The following MYSM1 variants were observed in gnomAD, a reference collection of about 807,000 sequenced individuals.
MYSM1 encodes Myb like, SWIRM and MPN domains 1, also known as deubiquitinase MYSM1.
In MYSM1, 51 loss-of-function variants were observed where a neutral mutation model predicts 116.0. The observed-to-expected ratio is 0.44, with a 90% CI of 0.35 to 0.56. The LOEUF is 0.56. Among genes scored for constraint, MYSM1 ranks in the 20% least tolerant of loss-of-function variants. MYSM1 has a pLI of 0.00. For missense variants in MYSM1, 900 were observed against 974.9 expected, an observed-to-expected ratio of 0.92 and a Z score of 1.02; for synonymous variants, 313 against 315.2, an observed-to-expected ratio of 0.99 and a Z score of 0.07.
Position 58,675,571 on chromosome 1 carries a change from A to G in MYSM1, c.1400T>C (p.Val467Ala). 6.2e-7 allele frequency: 1 copy of G among 1,612,914 alleles called. No individual in the cohort carries two copies. Among genetic ancestry groups the G allele is most frequent in the Non-Finnish European group, 8.5e-7 (1 of 1,179,288 alleles). ...GTCAACTGTTTGTGGCCTATTATAC[A>G]CAGCCTGTTCTATTGGAATTCAGGA... is the stretch of plus-strand genomic sequence containing the variant. ...GAINFGCEQA[V>A]YNRPQTVDKV... Residue 467 changes from valine (V) to alanine (A), a missense_variant, in exon 10 of 20, where the codon GTG (valine) becomes GCG (alanine). Val to Ala is a moderately conservative substitution (Grantham distance 64). Around this residue, in one of 3 missense-constraint regions of MYSM1, gnomAD observed 622 missense variants for 623.7 expected, o/e 1.00. Transcript: ENST00000472487.
chr1:58,671,215 C>T (rs895101298), intron 12 of MYSM1, among the ~76,000 whole-genome samples: 13 of 152,086 alleles, frequency 8.5e-5, no homozygotes, highest in African/African-American at 2.7e-4. Context: ...TTAACTAATG[C>T]ACAGGGTTGT....
At chr1:58,691,386 AGGTACT>A (rs1644904515) in intron 3 of MYSM1, among the ~76,000 whole-genome samples, 1 of 152,230 alleles carries the variant, frequency 6.6e-6, no homozygotes, top group East Asian at 1.9e-4. Flanking sequence ...TGCATATGTC[AGGTACT>A]ATGCTAGGTA....
Position 58,662,032 on chromosome 1 carries a change from G to A in MYSM1, c.2165-521C>T, listed in dbSNP as rs550297410. On this transcript the variant is annotated intron_variant, in intron 17 of 19. Transcript: ENST00000472487. ...TACATTAAAAATCATATTTAGGCTA[G>A]CAAAGTGGCAGGACACAGATGTTAA... 3.6e-3 allele frequency among the ~76,000 whole-genome samples: 554 copies of A among 151,804 alleles called. 4 individuals carry two copies. Among genetic ancestry groups the A allele is most frequent in the African/African-American group, 0.013 (534 of 41,416 alleles).
intron 3 of MYSM1, among the ~76,000 whole-genome samples, chr1:58,692,081 A>T (rs2746080): frequency 2.6e-5 from 4 of 152,182 alleles, no homozygotes; most frequent in Non-Finnish European, 5.9e-5. Flanking sequence ...AATAGCAATA[A>T]TCTAGGCTAT....
intron 16 of MYSM1, among the ~76,000 whole-genome samples, 153 bp downstream of exon 16, chr1:58,666,885 T>A (rs1986206): frequency 0.47 from 53,666 of 113,920 alleles, 9,879 homozygotes; most frequent in East Asian, 0.5. Context: ...AAAAAAAAAA[T>A]AATAATAAAA....
rs1359652642 is a variant in MYSM1, at chr1:58,685,898, C to G, written c.400-647G>C. Among the ~76,000 whole-genome samples the G allele has an allele frequency of 3.3e-5, 5 of 152,324 alleles. No homozygotes were observed. In the East Asian group the frequency reaches 9.6e-4, roughly 29 times the overall value. The stretch of plus-strand genomic sequence containing the variant: ...TGTATATGCTGCACACATCAACAAA[C>G]TCTGGTTTTCTCCTGTTAATGTCGT... On this transcript the variant is annotated intron_variant, in intron 6 of 19. Transcript: ENST00000472487.
chr1:58,682,172 CTTGAAAGTGT>C lies in MYSM1; in HGVS notation c.862_871del (p.Thr288AlafsTer21). ...CTCAGTCCACAGTGTAATTTCTGAG[CTTGAAAGTGT>C]TTCATCTTGCTTTTCATTTTGAAGA... On this transcript the variant is annotated frameshift_variant, in exon 8 of 20. Transcript: ENST00000472487. LOFTEE classifies it high-confidence loss of function. 6.2e-7 allele frequency: 1 copy of C among 1,612,796 alleles called. No homozygotes were observed. The highest frequency in any genetic ancestry group is 8.5e-7 in the Non-Finnish European group (1 of 1,178,940).
chr1:58,691,267 G>A (rs1023994336), intron 3 of MYSM1, among the ~76,000 whole-genome samples: 4 of 150,752 alleles, frequency 2.7e-5, no homozygotes, highest in East Asian at 3.9e-4. Context: ...GCGACAGAGC[G>A]AGACTCCGTC....
At position 58,656,356 on chromosome 1, in the gene MYSM1, A is replaced by C. The variant is rs1644318852; in HGVS notation, c.*3641T>G. ...AGGCCTAGCTTTCAACAAATAATAG[A>C]AAGAAGGGTCTTGTATTTATATGCT... On this transcript the variant is annotated 3_prime_UTR_variant, in exon 20 of 20. Transcript: ENST00000472487. The C allele has an allele frequency of 6.6e-6, 1 of 152,156 alleles. No individual in the cohort carries two copies. Among genetic ancestry groups the C allele is most frequent in the South Asian group, 2.1e-4 (1 of 4,822 alleles). 9.4% of individuals were successfully genotyped at this position (152,156 alleles called of 1,614,324 possible). A position where few individuals can be genotyped will look rare whatever the true frequency, so the allele number is the denominator to read the frequency against.
rs1012334482 is a variant in MYSM1 at position 58,656,509 on chromosome 1, C to T, written c.*3488G>A. 1 of 152,106 alleles carries T rather than the reference C, an allele frequency of 6.6e-6. No individual in the cohort carries two copies. Among genetic ancestry groups the T allele is most frequent in the East Asian group, 1.9e-4 (1 of 5,200 alleles). The allele number at this position is 152,106 out of a possible 1,614,324, so 9.4% of individuals were successfully genotyped here. ...TTCAAAACTACAGATTAGGGACTGA[C>T]CAAAACAAAAATATCTGAAGACTAA... On this transcript the variant is annotated 3_prime_UTR_variant, in exon 20 of 20. Transcript: ENST00000472487.
At position 58,676,909 on chromosome 1, in the gene MYSM1, T is replaced by C; in HGVS notation, c.1390+17A>G. 6.2e-7 allele frequency: 1 copy of C among 1,607,502 alleles called. No homozygotes were observed. The highest frequency in any genetic ancestry group is 8.5e-7 in the Non-Finnish European group (1 of 1,177,442). On this transcript the variant is annotated intron_variant, in intron 9 of 19. Transcript: ENST00000472487. Reference sequence around the variant, plus strand: ...AAAAATGTCGAGTAAAAGATGTTGTTGGGTTTTTATTTTTACCACATCCAA... The same window carrying C: ...AAAAATGTCGAGTAAAAGATGTTGTCGGGTTTTTATTTTTACCACATCCAA...
Position 58,668,696 on chromosome 1 carries a change from A to G in MYSM1, c.1717-14T>C. On this transcript the variant is annotated splice_polypyrimidine_tract_variant and intron_variant, in intron 13 of 19. Transcript: ENST00000472487. ...CTGAAATGGCTCCTGAAATATAAAA[A>G]ACAAAACAAAACGGGGGAGCATAAA... 6.3e-7 allele frequency: 1 copy of G among 1,592,984 alleles called. No homozygotes were observed. Among genetic ancestry groups the G allele is most frequent in the South Asian group, 1.1e-5 (1 of 87,662 alleles).
Position 58,661,211 on chromosome 1 carries a change from T to C in MYSM1, c.2287A>G (p.Lys763Glu). 6.2e-7 allele frequency: 1 copy of C among 1,613,296 alleles called. No individual in the cohort carries two copies. Among genetic ancestry groups the C allele is most frequent in the Non-Finnish European group, 8.5e-7 (1 of 1,179,372 alleles). The change falls in exon 19 of 20, where the codon AAA becomes GAA. Residue 763 changes from lysine to glutamate, a missense_variant. Around this residue, in one of 3 missense-constraint regions of MYSM1, gnomAD observed 186 missense variants for 196.2 expected, o/e 0.95. Coordinates refer to ENST00000472487, the MANE Select transcript of MYSM1 (RefSeq NM_001085487.3). ...RLSHSSVPMD[K>E]IFRRDSDLTC... ...AGGTCAGAATCCCGGCGAAAGATTTTATCCATGGGGACGCTGCTGTAGGAA... is the reference window on the plus strand; with the variant it reads ...AGGTCAGAATCCCGGCGAAAGATTTCATCCATGGGGACGCTGCTGTAGGAA...
intron 2 of MYSM1, 122 bp from the exon 3 acceptor site, chr1:58,693,053 A>G: frequency 1.4e-6 from 1 of 735,862 alleles, no homozygotes; most frequent in Non-Finnish European, 2.1e-6. Context: ...TACTGAGCAC[A>G]CAGACATATT....
intron 6 of MYSM1, among the ~76,000 whole-genome samples, chr1:58,687,395 T>C (rs12097517): frequency 0.57 from 86,439 of 152,014 alleles, 24,874 homozygotes; most frequent in East Asian, 0.64. Flanking sequence ...CCTATAACTT[T>C]AGGAACCTTT....
chr1:58,664,756 A>G (rs1016867441), intron 17 of MYSM1, among the ~76,000 whole-genome samples: 3 of 152,244 alleles, frequency 2.0e-5, no homozygotes, highest in Non-Finnish European at 4.4e-5. Flanking sequence ...TTATTCTCAA[A>G]GAGCTCATAA....
intron 1 of MYSM1, 127 bp downstream of exon 1, chr1:58,699,858 A>G: frequency 6.8e-7 from 1 of 1,466,256 alleles, no homozygotes; most frequent in South Asian, 1.4e-5. Flanking sequence ...CAGGCCAACA[A>G]GAGACCCTGG....
At chr1:58,677,094 T>A in intron 8 of MYSM1, 38 bp from the exon 9 acceptor site, 1 of 1,544,010 alleles carries the variant, frequency 6.5e-7, no homozygotes, top group African/African-American at 1.4e-5. Flanking sequence ...TTTGGATAAA[T>A]AAAAACGTGA....
chr1:58,692,740 A>G (rs1340655296), intron 3 of MYSM1, 121 bp downstream of exon 3: 2 of 617,370 alleles, frequency 3.2e-6, no homozygotes, highest in Non-Finnish European at 5.5e-6. Context: ...ATGAAATTAT[A>G]TAATAGCAGT....
Sources: gnomAD v4.1 joint callset for allele counts (sites outside exome capture counted in the v4.1 genomes callset) on GRCh38, gnomAD v4.1.1 for gene constraint, gnomAD v4.1.1 regional missense constraint, MANE v1.5 for transcripts, NCBI Gene and HGNC (gene_info 2026-07-23, HGNC 2026-07-21) for gene names.